The following PCDHGB6 variants were observed in gnomAD, a reference collection of about 807,000 sequenced individuals.
PCDHGB6 encodes the protein protocadherin gamma-B6.
Under a neutral mutation model 59.1 loss-of-function variants are expected in PCDHGB6, and 51 were observed. That is an observed-to-expected ratio of 0.86 (90% CI 0.69 to 1.09). The LOEUF (loss-of-function observed/expected upper bound fraction) is 1.09, where lower values mean the gene tolerates loss of function less well. Among genes scored for constraint, PCDHGB6 ranks in the 50% least tolerant of loss-of-function variants. The pLI, the probability that PCDHGB6 is intolerant of heterozygous loss-of-function variation, is 0.00. For missense variants in PCDHGB6, 1,148 were observed against 1,205.1 expected, an observed-to-expected ratio of 0.95 and a Z score of 0.70; for synonymous variants, 466 against 495.1, an observed-to-expected ratio of 0.94 and a Z score of 0.78.
chr5:141,413,012 A>G (rs937468289), intron 1 of PCDHGB6: 10 of 657,718 alleles, frequency 1.5e-5, no homozygotes, highest in Middle Eastern at 4.2e-4. Flanking sequence ...GGCTTCAACT[A>G]CACAAGCCCC....
chr5:141,476,190 C>T lies in PCDHGB6; in HGVS notation c.2419-18617C>T. On this transcript the variant is annotated intron_variant, in intron 1 of 3. Transcript: ENST00000520790. The surrounding 1 kb of genome is among the most constrained non-coding windows in gnomAD (Gnocchi z 7.6). ...GTGGGAGTTTTGCTTCTGCTTGGTG[C>T]CTTGAACAAGGCTTCCACGGTCATT... is the stretch of plus-strand genomic sequence containing the variant. 3.1e-6 allele frequency: 5 copies of T among 1,613,694 alleles called. No individual in the cohort carries two copies. The highest frequency in any genetic ancestry group is 4.2e-6 in the Non-Finnish European group (5 of 1,179,988).
At chr5:141,460,488 T>C (rs1226287742) in intron 1 of PCDHGB6, among the ~76,000 whole-genome samples, 1 of 152,186 alleles carries the variant, frequency 6.6e-6, no homozygotes, top group Admixed American at 6.6e-5. Flanking sequence ...ATTGTCTCTT[T>C]GGAAAAATAT....
At chr5:141,439,898 C>A (rs1428014089) in intron 1 of PCDHGB6, 2 of 152,344 alleles carry the variant, frequency 1.3e-5, no homozygotes, top group African/African-American at 4.8e-5. Flanking sequence ...ACCAAGGCGA[C>A]TACTGCCTCC....
chr5:141,417,862 G>C, intron 1 of PCDHGB6: 1 of 1,550,466 alleles, frequency 6.4e-7, no homozygotes, highest in Non-Finnish European at 8.7e-7. Flanking sequence ...AGCGAACGAT[G>C]GGAGGGAGCT....
chr5:141,478,302 C>T lies in PCDHGB6; in HGVS notation c.2419-16505C>T. On this transcript the variant is annotated intron_variant, in intron 1 of 3. Transcript: ENST00000520790. ...AAGCAGTCTAGAGACCTATACCGAG[C>T]CCCGGTGAGCTCACTGTACCGAACA... 4 of 1,614,070 alleles carry T rather than the reference C, an allele frequency of 2.5e-6. No individual in the cohort carries two copies. Among genetic ancestry groups the T allele is most frequent in the Non-Finnish European group, 3.4e-6 (4 of 1,180,038 alleles).
chr5:141,505,182 C>T (rs1302018549), intron 2 of PCDHGB6, among the ~76,000 whole-genome samples: 2 of 152,094 alleles, frequency 1.3e-5, no homozygotes, highest in East Asian at 3.9e-4. Context: ...AAAAAAGCAT[C>T]GGAGGCAGCA....
At chr5:141,422,725 G>C (rs1424048338) in intron 1 of PCDHGB6, 1 of 1,606,156 alleles carries the variant, frequency 6.2e-7, no homozygotes, top group African/African-American at 1.3e-5. Flanking sequence ...TGTCCAGGGG[G>C]TGCCTCTGTC....
rs77983663 is a variant in PCDHGB6, at chr5:141,504,853, C to T, written c.2478-540C>T. 2.8e-4 allele frequency among the ~76,000 whole-genome samples: 42 copies of T among 152,214 alleles called. No homozygotes were observed. In the East Asian group the frequency reaches 7.7e-3, roughly 28 times the overall value. On this transcript the variant is annotated intron_variant, in intron 2 of 3. Transcript: ENST00000520790. ...TTCTCTAGCTCTGGAACATTCTCTT[C>T]CATTTCCCACCTTCACAGTCCTCTG... is the stretch of plus-strand genomic sequence containing the variant.
Position 141,432,563 on chromosome 5 carries a change from G to T in PCDHGB6, c.2418+21943G>T. 2 of 1,613,912 alleles carry T rather than the reference G, an allele frequency of 1.2e-6. No homozygotes were observed. Among genetic ancestry groups the T allele is most frequent in the Non-Finnish European group, 1.7e-6 (2 of 1,179,996 alleles). The stretch of plus-strand genomic sequence containing the variant: ...GGTGGACAGAGACTCCGGCCAGAAC[G>T]CCTGGCTGTCCTACCGTCTGCTCAA... On this transcript the variant is annotated intron_variant, in intron 1 of 3. Transcript: ENST00000520790. The surrounding 1 kb of genome is among the most constrained non-coding windows in gnomAD (Gnocchi z 6.0).
Position 141,491,947 on chromosome 5 carries a change from C to T in PCDHGB6, c.2419-2860C>T. ...GGGGAGGTGGGACCGACCCCCACCCCTACACTCAAAAAAGGCCGGGGCCTC... is the reference window on the plus strand; with the variant it reads ...GGGGAGGTGGGACCGACCCCCACCCTTACACTCAAAAAAGGCCGGGGCCTC... On this transcript the variant is annotated intron_variant, in intron 1 of 3. Coordinates refer to ENST00000520790, the MANE Select transcript of PCDHGB6 (RefSeq NM_018926.3). The surrounding 1 kb of genome is among the most constrained non-coding windows in gnomAD (Gnocchi z 6.9). 1 of 1,114,210 alleles carries T rather than the reference C, an allele frequency of 9.0e-7. No individual in the cohort carries two copies. The highest frequency in any genetic ancestry group is 1.2e-6 in the Non-Finnish European group (1 of 815,758). 69.0% of individuals were successfully genotyped at this position (1,114,210 alleles called of 1,614,324 possible). A position where few individuals can be genotyped will look rare whatever the true frequency, so the allele number is the denominator to read the frequency against.
intron 1 of PCDHGB6, among the ~76,000 whole-genome samples, chr5:141,481,426 A>T (rs1431602618): frequency 6.6e-6 from 1 of 152,238 alleles, no homozygotes; most frequent in Non-Finnish European, 1.5e-5. Context: ...TGTGATGATG[A>T]TTGTATCAGT....
intron 1 of PCDHGB6, among the ~76,000 whole-genome samples, chr5:141,458,513 G>GTT (rs537551567): frequency 7.5e-5 from 11 of 146,196 alleles, no homozygotes; most frequent in African/African-American, 2.2e-4. Flanking sequence ...TTGACACTTT[G>GTT]TTTTTTTTTT....
intron 1 of PCDHGB6, chr5:141,423,241 G>C: frequency 6.2e-7 from 1 of 1,613,954 alleles, no homozygotes; most frequent in Non-Finnish European, 8.5e-7. Context: ...CATCCCCGAA[G>C]TCCTGGCGGA....
Position 141,487,007 on chromosome 5 carries a change from G to C in PCDHGB6, c.2419-7800G>C, listed in dbSNP as rs563548715. On this transcript the variant is annotated intron_variant, in intron 1 of 3. Transcript: ENST00000520790. This position sits in a 1 kb window ranked among gnomAD's most constrained non-coding sequence, Gnocchi z 5.0. ...TGCTTGGGTTTCCTATCAGCTCCTG[G>C]AGGCCCCAGATCCCAGCCTGTTTGC... The C allele has an allele frequency of 6.2e-7, 1 of 1,614,206 alleles. No individual in the cohort carries two copies. Among genetic ancestry groups the C allele is most frequent in the Non-Finnish European group, 8.5e-7 (1 of 1,180,042 alleles).
chr5:141,497,495 T>C (rs193075970), intron 2 of PCDHGB6, among the ~76,000 whole-genome samples: 28 of 151,186 alleles, frequency 1.9e-4, no homozygotes, highest in Admixed American at 1.7e-3. Context: ...TCTCTCTCTC[T>C]CCTCTCTCTG....
At chr5:141,484,958 G>T in intron 1 of PCDHGB6, 1 of 575,874 alleles carries the variant, frequency 1.7e-6, no homozygotes. Flanking sequence ...TATTGGCTGA[G>T]CCCGGGAGCC....
intron 1 of PCDHGB6, among the ~76,000 whole-genome samples, chr5:141,448,146 C>G (rs1375402473): frequency 6.6e-6 from 1 of 151,942 alleles, no homozygotes; most frequent in Non-Finnish European, 1.5e-5. Flanking sequence ...ATACCTCAGA[C>G]TCACCCCTGA....
chr5:141,433,767 G>T (rs1237334342), intron 1 of PCDHGB6, among the ~76,000 whole-genome samples: 1 of 151,532 alleles, frequency 6.6e-6, no homozygotes, highest in Non-Finnish European at 1.5e-5. Flanking sequence ...AACCTGGGAG[G>T]TGGAGGTTGC....
chr5:141,412,027 C>T (rs1360599996), intron 1 of PCDHGB6: 1 of 152,086 alleles, frequency 6.6e-6, no homozygotes, highest in Non-Finnish European at 1.5e-5. Context: ...ATCCTGTTCT[C>T]TGTGTGAAAG....
Sources: gnomAD v4.1 joint callset for allele counts (sites outside exome capture counted in the v4.1 genomes callset) on GRCh38, gnomAD v4.1.1 for gene constraint, Gnocchi (gnomAD v3.1) non-coding constraint, MANE v1.5 for transcripts, NCBI Gene and HGNC (gene_info 2026-07-23, HGNC 2026-07-21) for gene names.